AKT2: variants seen among roughly 807,000 people sequenced by gnomAD.
AKT2 encodes RAC-beta serine/threonine-protein kinase.
In AKT2, 16 loss-of-function variants were observed where a neutral mutation model predicts 58.6. That is an observed-to-expected ratio of 0.27 (90% CI 0.18 to 0.41). The LOEUF is 0.41. Among genes scored for constraint, AKT2 ranks in the 10% least tolerant of loss-of-function variants. AKT2 has a pLI of 1.00. For synonymous variants in AKT2, 253 were observed against 254.0 expected (o/e 1.00, Z 0.04); for missense variants, 438 against 661.0 (o/e 0.66, Z 3.70).
chr19:40,237,050 T>C lies in AKT2; in HGVS notation c.832-665A>G, dbSNP rs1974076257. ...ACTGCACACAGACACACCTGTGAAC[T>C]GTGGACTCACCTCCTCTGTGCGGCT... On this transcript the variant is annotated intron_variant, in intron 9 of 13. Transcript: ENST00000392038. This position sits in a 1 kb window ranked among gnomAD's most constrained non-coding sequence, Gnocchi z 4.5. 6.1e-6 allele frequency: 1 copy of C among 163,018 alleles called. No individual in the cohort carries two copies. Among genetic ancestry groups the C allele is most frequent in the South Asian group, 1.7e-4 (1 of 5,952 alleles). The allele number at this position is 163,018 out of a possible 1,614,324, so 10.1% of individuals were successfully genotyped here. A position where few individuals can be genotyped will look rare whatever the true frequency, so the allele number is the denominator to read the frequency against.
chr19:40,267,527 C>T (rs1472069526), intron 1 of AKT2, among the ~76,000 whole-genome samples: 2 of 152,192 alleles, frequency 1.3e-5, no homozygotes, highest in African/African-American at 4.8e-5. Context: ...GCCTTCCCCA[C>T]CTCAGAGGCT....
At position 40,235,568 on chromosome 19, in the gene AKT2, C is replaced by G; in HGVS notation, c.1176-218G>C. The G allele has an allele frequency of 1.6e-6, 1 of 633,168 alleles. No homozygotes were observed. The allele number at this position is 633,168 out of a possible 1,614,324, so 39.2% of individuals were successfully genotyped here. On this transcript the variant is annotated intron_variant, in intron 11 of 13. Transcript: ENST00000392038. This position sits in a 1 kb window ranked among gnomAD's most constrained non-coding sequence, Gnocchi z 6.3. ...GGACCCACGTGTCCTCACTGCCTGG[C>G]CTTACCCTGAGTCCAGAAAGGGAGT... is the stretch of plus-strand genomic sequence containing the variant.
At chr19:40,241,745 G>A (rs1040058142) in intron 6 of AKT2, 193 bp downstream of exon 6, 4 of 815,806 alleles carry the variant, frequency 4.9e-6, no homozygotes, top group Non-Finnish European at 5.8e-6. Context: ...ACATAGGGTG[G>A]AGGTGGGGAC....
rs1233031560 is a variant in AKT2 at position 40,233,849 on chromosome 19, C to T, written c.*23G>A. On this transcript the variant is annotated 3_prime_UTR_variant, in exon 14 of 14. Transcript: ENST00000392038. The surrounding 1 kb of genome is among the most constrained non-coding windows in gnomAD (Gnocchi z 4.3). ...CCCAGCGGTGATGGCAGCGAGCGTG[C>T]GTCCTCTGCGTGGGCAGACTGCTCA... The T allele has an allele frequency of 1.1e-5, 17 of 1,607,480 alleles. No individual in the cohort carries two copies. Among genetic ancestry groups the T allele is most frequent in the South Asian group, 2.2e-5 (2 of 91,016 alleles).
chr19:40,245,424 C>T (rs1419684962), intron 4 of AKT2, among the ~76,000 whole-genome samples: 4 of 152,124 alleles, frequency 2.6e-5, no homozygotes, highest in Non-Finnish European at 5.9e-5. Context: ...CAGTTCTGTG[C>T]TCCTAAGTTA....
chr19:40,252,330 C>T (rs1199261465), intron 4 of AKT2, among the ~76,000 whole-genome samples: 1 of 152,154 alleles, frequency 6.6e-6, no homozygotes, highest in African/African-American at 2.4e-5. Flanking sequence ...GCAGTTTTCT[C>T]TTTGGCAACA....
intron 1 of AKT2, among the ~76,000 whole-genome samples, chr19:40,273,246 CAGG>C (rs2077248153): frequency 6.6e-6 from 1 of 151,052 alleles, no homozygotes; most frequent in Non-Finnish European, 1.5e-5. Flanking sequence ...GAGGCTGAGG[CAGG>C]AGAATTGCTT....
intron 1 of AKT2, among the ~76,000 whole-genome samples, chr19:40,281,591 G>A (rs1005778430): frequency 6.6e-6 from 1 of 152,222 alleles, no homozygotes; most frequent in Non-Finnish European, 1.5e-5. Flanking sequence ...GCGTGGAAGA[G>A]GAGTGGGCCC....
chr19:40,278,146 T>C (rs1354978983), intron 1 of AKT2, among the ~76,000 whole-genome samples: 1 of 152,138 alleles, frequency 6.6e-6, no homozygotes, highest in Non-Finnish European at 1.5e-5. Flanking sequence ...AGAAAAGAAA[T>C]CATGATGACA....
At chr19:40,284,994 G>A in intron 1 of AKT2, 187 bp downstream of exon 1, 1 of 354,988 alleles carries the variant, frequency 2.8e-6, no homozygotes, top group Non-Finnish European at 5.0e-6. Flanking sequence ...CGCCGCCACC[G>A]CCCCGGCCCC....
chr19:40,255,229 G>T lies in AKT2; in HGVS notation c.216C>A (p.Thr72=), dbSNP rs757705378. 6.8e-6 allele frequency: 11 copies of T among 1,614,032 alleles called. No homozygotes were observed. In the Admixed American group the frequency reaches 1.3e-4, roughly 20 times the overall value. Reference sequence around the variant, plus strand: ...TCCACTGCAGGCAGCGTATGACAAAGGTGTTGGGTCGCGGCCTCTCGGTCT... The same window carrying T: ...TCCACTGCAGGCAGCGTATGACAAATGTGTTGGGTCGCGGCCTCTCGGTCT... ...LMKTERPRPN[T]FVIRCLQWTT... The change falls in exon 4 of 14, where the codon ACC becomes ACA. Residue 72 remains threonine, a synonymous_variant. Transcript: ENST00000392038.
rs140734698 is a variant in AKT2 at position 40,250,372 on chromosome 19, G to A, written c.287+4786C>T. ...TACAAAATGAGCTAGGCATGGTGGC[G>A]CGTGCCTGTAATCCCAGCTACTCAG... On this transcript the variant is annotated intron_variant, in intron 4 of 13. Transcript: ENST00000392038. Among the ~76,000 whole-genome samples, 1,297 of 151,968 alleles carry A rather than the reference G, an allele frequency of 8.5e-3. 10 individuals are homozygous for A. Among genetic ancestry groups the A allele is most frequent in the Middle Eastern group, 0.017 (5 of 294 alleles).
At chr19:40,255,014 C>A in intron 4 of AKT2, 144 bp downstream of exon 4, 1 of 668,980 alleles carries the variant, frequency 1.5e-6, no homozygotes, top group Admixed American at 2.1e-5. Context: ...TCTTCTCAGC[C>A]CCAGCTGGAG....
chr19:40,285,126 C>T, intron 1 of AKT2, 55 bp downstream of exon 1: 1 of 391,434 alleles, frequency 2.6e-6, no homozygotes, highest in Admixed American at 4.5e-5. Context: ...CCGCGGGGGG[C>T]CCGGACGCGA....
chr19:40,232,048 A>C lies in AKT2; in HGVS notation c.*1824T>G, dbSNP rs1183307050. 4.3e-6 allele frequency: 1 copy of C among 232,970 alleles called. No individual in the cohort carries two copies. The highest frequency in any genetic ancestry group is 8.5e-6 in the Non-Finnish European group (1 of 118,168). 14.4% of individuals were successfully genotyped at this position (232,970 alleles called of 1,614,324 possible). A position where few individuals can be genotyped will look rare whatever the true frequency, so the allele number is the denominator to read the frequency against. On this transcript the variant is annotated 3_prime_UTR_variant, in exon 14 of 14. Coordinates refer to ENST00000392038, the MANE Select transcript of AKT2 (RefSeq NM_001626.6). ...TCTTCCAGCCCTGTCCCTCCACCCC[A>C]CCTCTCTTAGCCTAAGCAGCACTGA...
intron 1 of AKT2, chr19:40,274,726 A>G: frequency 6.9e-6 from 2 of 288,206 alleles, no homozygotes; most frequent in South Asian, 3.4e-5. Context: ...GCAGGGGAGG[A>G]GCAGGGCTGA....
chr19:40,283,512 T>C (rs1382787847), intron 1 of AKT2, among the ~76,000 whole-genome samples: 1 of 152,234 alleles, frequency 6.6e-6, no homozygotes, highest in Non-Finnish European at 1.5e-5. Flanking sequence ...TGCTGCGGAC[T>C]AGGGGCAACC....
chr19:40,255,659 G>C (rs1232767741), intron 3 of AKT2, among the ~76,000 whole-genome samples: 2 of 152,316 alleles, frequency 1.3e-5, no homozygotes, highest in African/African-American at 2.4e-5. Context: ...TCAGAGGTGA[G>C]AGGAGGTTCA....
At chr19:40,283,786 G>T (rs1471859815) in intron 1 of AKT2, among the ~76,000 whole-genome samples, 1 of 152,170 alleles carries the variant, frequency 6.6e-6, no homozygotes, top group Non-Finnish European at 1.5e-5. Flanking sequence ...CCTGGGCCAG[G>T]CTGGGCCAGG....
Sources: allele counts gnomAD v4.1 joint callset (sites outside exome capture counted in the v4.1 genomes callset), GRCh38; gene constraint gnomAD v4.1.1; non-coding constraint Gnocchi (gnomAD v3.1); transcripts MANE v1.5; gene names NCBI Gene and HGNC (gene_info 2026-07-23, HGNC 2026-07-21).